FAR2: variants seen among roughly 807,000 people sequenced by gnomAD.
FAR2 encodes fatty acyl-CoA reductase 2, also known as epididymis secretory protein Li 81.
Under a neutral mutation model 56.0 loss-of-function variants are expected in FAR2, and 19 were observed. That is an observed-to-expected ratio of 0.34 (90% confidence interval 0.24 to 0.50). The LOEUF (loss-of-function observed/expected upper bound fraction) is 0.50, where lower values mean the gene tolerates loss of function less well. FAR2 is among the 20% of genes least tolerant of loss of function. The probability of loss-of-function intolerance (pLI) is 0.98; values close to 1 mark genes in which losing one functional copy is unlikely to be tolerated. For synonymous variants in FAR2, 219 were observed against 218.8 expected (o/e 1.00, Z -0.01); for missense variants, 508 against 642.2 (o/e 0.79, Z 2.26).
chr12:29,192,037 T>G (rs1950106976), intron 1 of FAR2, among the ~76,000 whole-genome samples: 1 of 152,262 alleles, frequency 6.6e-6, no homozygotes, highest in Non-Finnish European at 1.5e-5. Flanking sequence ...TTAGGACTTT[T>G]GGCTAGGGCC....
rs780215182 is a variant in FAR2, at chr12:29,297,064, C to G, written c.409C>G (p.Leu137Val). The G allele has an allele frequency of 3.9e-5, 63 of 1,612,220 alleles. No homozygotes were observed. Among genetic ancestry groups the G allele is most frequent in the South Asian group, 1.1e-4 (10 of 90,652 alleles). Residue 137 changes from leucine to valine, a missense_variant, in exon 4 of 12, where the codon CTT (leucine) becomes GTT (valine). Transcript: ENST00000536681. ...LNVTATRQLL[L>V]MASQMPKLEA... ...CGTCACTGCCACCCGGCAGCTCTTG[C>G]TTATGGCTAGTCAGATGCCAAAGCT...
intron 1 of FAR2, among the ~76,000 whole-genome samples, chr12:29,202,700 A>G (rs1207202984): frequency 6.6e-6 from 1 of 152,144 alleles, no homozygotes; most frequent in African/African-American, 2.4e-5. Flanking sequence ...CTGGTTGTTT[A>G]AAGAAGCCTG....
chr12:29,308,719 C>CATATATAT (rs71042985), intron 5 of FAR2, among the ~76,000 whole-genome samples: 3,982 of 131,978 alleles, frequency 0.03, 78 homozygotes, highest in South Asian at 0.065. Context: ...CACACACACA[C>CATATATAT]ATATATATAT....
intron 2 of FAR2, among the ~76,000 whole-genome samples, 173 bp downstream of exon 2, chr12:29,270,811 C>G (rs549889765): frequency 6.6e-6 from 1 of 152,274 alleles, no homozygotes; most frequent in South Asian, 2.1e-4. Context: ...GGTGTTTTCC[C>G]AAAGGAGGGA....
chr12:29,293,672 C>G (rs1949009782), intron 3 of FAR2, 197 bp downstream of exon 3: 2 of 407,024 alleles, frequency 4.9e-6, no homozygotes, highest in Admixed American at 9.0e-5. Flanking sequence ...CTTTATGTAT[C>G]TATGATTACA....
At chr12:29,210,563 G>T (rs1947533108) in intron 1 of FAR2, among the ~76,000 whole-genome samples, 1 of 152,228 alleles carries the variant, frequency 6.6e-6, no homozygotes, top group Admixed American at 6.5e-5. Context: ...AAGAATAGAT[G>T]AATATTCCGC....
chr12:29,327,282 T>C (rs1442021518), intron 10 of FAR2, among the ~76,000 whole-genome samples: 5 of 152,216 alleles, frequency 3.3e-5, no homozygotes, highest in Non-Finnish European at 5.9e-5. Context: ...GAACATTCCA[T>C]GCTCATGGGT....
chr12:29,157,106 TTATATATATA>T (rs5797307), intron 1 of FAR2: 2,213 of 73,454 alleles, frequency 0.03, 65 homozygotes, highest in African/African-American at 0.094. Flanking sequence ...AAAGAACATT[TTATATATATA>T]TATATATATA....
At chr12:29,303,681 T>G (rs536284129) in intron 4 of FAR2, among the ~76,000 whole-genome samples, 1 of 152,190 alleles carries the variant, frequency 6.6e-6, no homozygotes, top group African/African-American at 2.4e-5. Flanking sequence ...CTTCGTGCTA[T>G]AGAACACATT....
intron 1 of FAR2, among the ~76,000 whole-genome samples, chr12:29,150,163 C>A (rs1163749441): frequency 6.6e-6 from 1 of 152,160 alleles, no homozygotes; most frequent in East Asian, 1.9e-4. Context: ...GGCTGCTCAA[C>A]ACTCCTAGCA....
chr12:29,155,861 A>G (rs976006975), intron 1 of FAR2, among the ~76,000 whole-genome samples: 1 of 152,202 alleles, frequency 6.6e-6, no homozygotes. Flanking sequence ...CTCACCTGCC[A>G]TAGGTAATCT....
chr12:29,179,115 A>C (rs187888811), intron 1 of FAR2, among the ~76,000 whole-genome samples: 1 of 152,164 alleles, frequency 6.6e-6, no homozygotes, highest in Non-Finnish European at 1.5e-5. Context: ...GGCCCACTCT[A>C]AAGACCTCAT....
chr12:29,200,056 T>G (rs1415468005), intron 1 of FAR2, among the ~76,000 whole-genome samples: 1 of 152,146 alleles, frequency 6.6e-6, no homozygotes, highest in Admixed American at 6.6e-5. Context: ...ATGAGTGACA[T>G]CATCAGTAGT....
At chr12:29,242,706 AAGGAAAG>A in intron 1 of FAR2, among the ~76,000 whole-genome samples, 1 of 152,294 alleles carries the variant, frequency 6.6e-6, no homozygotes, top group East Asian at 1.9e-4. Context: ...ACTTTCTTTC[AAGGAAAG>A]AGGAAAGTAC....
At chr12:29,165,613 A>G (rs1949819028) in intron 1 of FAR2, among the ~76,000 whole-genome samples, 1 of 152,240 alleles carries the variant, frequency 6.6e-6, no homozygotes, top group Non-Finnish European at 1.5e-5. Flanking sequence ...ACACATTTCT[A>G]TTAAAAGTAG....
chr12:29,166,228 T>A lies in FAR2; in HGVS notation c.-39+16821T>A, dbSNP rs1949826425. ...TTAATAGTAAATGGTATTGACAGTA[T>A]CTAAGACTGATAAGGTCTTTTGTGT... is the stretch of plus-strand genomic sequence containing the variant. On this transcript the variant is annotated intron_variant, in intron 1 of 11. Transcript: ENST00000536681. Among the ~76,000 whole-genome samples the A allele has an allele frequency of 2.0e-5, 3 of 152,266 alleles. No homozygotes were observed. The South Asian group carries it at 6.2e-4, about 31-fold the overall frequency.
At chr12:29,247,536 G>A (rs1170568696) in intron 1 of FAR2, among the ~76,000 whole-genome samples, 1 of 152,086 alleles carries the variant, frequency 6.6e-6, no homozygotes, top group South Asian at 2.1e-4. Flanking sequence ...CTCCTTTTAA[G>A]CAAGGCCTTG....
At chr12:29,240,257 T>G (rs981739913) in intron 1 of FAR2, among the ~76,000 whole-genome samples, 2 of 152,240 alleles carry the variant, frequency 1.3e-5, no homozygotes, top group African/African-American at 4.8e-5. Context: ...CCAAGCATTC[T>G]GGAAGTCAGA....
At chr12:29,222,014 A>AT (rs1042226422) in intron 1 of FAR2, among the ~76,000 whole-genome samples, 1 of 151,994 alleles carries the variant, frequency 6.6e-6, no homozygotes, top group Non-Finnish European at 1.5e-5. Flanking sequence ...CACCCAGCTA[A>AT]TTTTTTTGTA....
Sources: allele counts gnomAD v4.1 joint callset (sites outside exome capture counted in the v4.1 genomes callset), GRCh38; gene constraint gnomAD v4.1.1; transcripts MANE v1.5; gene names NCBI Gene and HGNC (gene_info 2026-07-23, HGNC 2026-07-21).